Variants in UNC79 observed in about 807,000 individuals in gnomAD.
UNC79 encodes unc-79 subunit of NALCN channel complex.
Under a neutral mutation model 283.1 loss-of-function variants are expected in UNC79, and 37 were observed. The observed-to-expected ratio is 0.13, with a 90% confidence interval of 0.10 to 0.17. UNC79 has a LOEUF of 0.17. UNC79 is among the 10% of genes least tolerant of loss of function. The pLI is 1.00. For missense variants in UNC79, 2,272 were observed against 3,211.1 expected (o/e 0.71, Z 7.07); for synonymous variants, 1,107 against 1,200.2 (o/e 0.92, Z 1.61).
At chr14:93,356,612 T>C (rs559406266) in intron 1 of UNC79, among the ~76,000 whole-genome samples, 5 of 152,334 alleles carry the variant, frequency 3.3e-5, no homozygotes, top group African/African-American at 1.2e-4. Flanking sequence ...TGTTTGTGTA[T>C]TTTGTTCTAC....
downstream of UNC79, chr14:93,707,168 AT>A (rs1008462677): frequency 5.9e-5 from 22 of 374,344 alleles, no homozygotes; most frequent in East Asian, 8.0e-5. Flanking sequence ...ACTAACTTCT[AT>A]TTTTTTTAAG....
chr14:93,340,438 T>C (rs1279348398), intron 1 of UNC79, among the ~76,000 whole-genome samples: 1 of 96,042 alleles, frequency 1.0e-5, no homozygotes. Flanking sequence ...CAAAACGCTG[T>C]CTCAAAAAAA....
At chr14:93,614,677 G>T (rs58548419) in intron 27 of UNC79, among the ~76,000 whole-genome samples, 2,144 of 151,048 alleles carry the variant, frequency 0.014, 48 homozygotes, top group African/African-American at 0.049. Context: ...TTGGCTTCAG[G>T]TGGAGAGAGT....
chr14:93,401,451 C>T (rs753352895), intron 1 of UNC79, among the ~76,000 whole-genome samples: 5 of 152,122 alleles, frequency 3.3e-5, no homozygotes, highest in Middle Eastern at 3.2e-3. Flanking sequence ...AGAAACTGAA[C>T]AGAAATGCAA....
intron 22 of UNC79, among the ~76,000 whole-genome samples, chr14:93,589,670 G>A (rs1384886325): frequency 1.3e-5 from 2 of 152,126 alleles, no homozygotes; most frequent in African/African-American, 2.4e-5. Flanking sequence ...AAAAGAAAGA[G>A]GCTGCTAAGA....
intron 24 of UNC79, among the ~76,000 whole-genome samples, chr14:93,599,554 T>G (rs1420451381): frequency 2.0e-5 from 3 of 152,234 alleles, no homozygotes; most frequent in Non-Finnish European, 1.5e-5. Flanking sequence ...TCTTCTCTGT[T>G]GATCTTACCA....
chr14:93,511,792 A>G (rs2059839664), intron 7 of UNC79, among the ~76,000 whole-genome samples: 1 of 152,192 alleles, frequency 6.6e-6, no homozygotes, highest in Non-Finnish European at 1.5e-5. Flanking sequence ...ACAAATAAAC[A>G]AAAAACAGAA....
At chr14:93,576,051 T>C (rs1314464575) in intron 17 of UNC79, among the ~76,000 whole-genome samples, 1 of 152,266 alleles carries the variant, frequency 6.6e-6, no homozygotes, top group Non-Finnish European at 1.5e-5. Flanking sequence ...TCTTTCTTTC[T>C]TCTGTAACCT....
chr14:93,518,464 G>T (rs2060173912), intron 7 of UNC79, among the ~76,000 whole-genome samples: 1 of 148,116 alleles, frequency 6.8e-6, no homozygotes, highest in South Asian at 2.2e-4. Flanking sequence ...CCATCAGGAT[G>T]CTGGGGCCTA....
intron 1 of UNC79, among the ~76,000 whole-genome samples, chr14:93,433,299 T>C (rs2055947944): frequency 6.6e-6 from 1 of 152,226 alleles, no homozygotes; most frequent in African/African-American, 2.4e-5. Context: ...TTTAGATATC[T>C]GTATTTAGAA....
intron 43 of UNC79, 122 bp downstream of exon 46, chr14:93,686,783 GC>G: frequency 9.4e-7 from 1 of 1,059,940 alleles, no homozygotes; most frequent in Non-Finnish European, 1.4e-6. Context: ...TGTTGAATGA[GC>G]CCCTGTCTTG....
chr14:93,545,224 C>A (rs962471883), intron 14 of UNC79, among the ~76,000 whole-genome samples: 5 of 152,146 alleles, frequency 3.3e-5, no homozygotes, highest in Admixed American at 3.3e-4. Flanking sequence ...CATAAAATTT[C>A]TCTTTACAAT....
intron 1 of UNC79, among the ~76,000 whole-genome samples, chr14:93,353,323 C>T (rs2054016503): frequency 6.6e-6 from 1 of 152,158 alleles, no homozygotes; most frequent in African/African-American, 2.4e-5. Flanking sequence ...CCCACCTTGA[C>T]TTCCCAAAGC....
intron 40 of UNC79, among the ~76,000 whole-genome samples, chr14:93,671,225 A>G (rs2072814161): frequency 6.6e-6 from 1 of 152,254 alleles, no homozygotes; most frequent in African/African-American, 2.4e-5. Flanking sequence ...AAGTTTAAAA[A>G]TGCCAAACAA....
chr14:93,367,963 A>T (rs957497597), intron 1 of UNC79, among the ~76,000 whole-genome samples: 11 of 152,248 alleles, frequency 7.2e-5, no homozygotes, highest in Admixed American at 5.9e-4. Context: ...GGAAACAGGA[A>T]CACAGCATCC....
chr14:93,399,436 T>C (rs2055063247), intron 1 of UNC79, among the ~76,000 whole-genome samples: 1 of 152,200 alleles, frequency 6.6e-6, no homozygotes, highest in South Asian at 2.1e-4. Context: ...ACTGAAATGA[T>C]TGCTGGGCAC....
chr14:93,690,284 G>C lies in UNC79; in HGVS notation c.7253G>C (p.Gly2418Ala). 6.2e-7 allele frequency: 1 copy of C among 1,613,638 alleles called. No individual in the cohort carries two copies. Among genetic ancestry groups the C allele is most frequent in the Non-Finnish European group, 8.5e-7 (1 of 1,179,836 alleles). Residue 2418 changes from glycine to alanine, a missense_variant, in exon 45 of 49, where the codon GGA becomes GCA. By Grantham distance (60) the Gly-to-Ala change is moderately conservative (BLOSUM62 0). Around this residue, in one of 11 missense-constraint regions of UNC79, gnomAD observed 225 missense variants for 334.2 expected, o/e 0.67. Coordinates refer to ENST00000555664, the Ensembl canonical transcript of UNC79. This position sits in a 1 kb window ranked among gnomAD's most constrained non-coding sequence, Gnocchi z 4.3. ...GACCATCTTATTGTTATCCTGATTG[G>C]ATTTCCAGAGCAATCAAAGGTAAGT... is the stretch of plus-strand genomic sequence containing the variant.
chr14:93,383,770 G>A (rs890729931), intron 1 of UNC79, among the ~76,000 whole-genome samples: 6 of 152,068 alleles, frequency 3.9e-5, no homozygotes, highest in Admixed American at 1.3e-4. Flanking sequence ...ATTGTAACAC[G>A]CACAATTCCC....
chr14:93,621,176 A>G lies in UNC79; in HGVS notation c.4388-445A>G. 2 of 331,760 alleles carry G rather than the reference A, an allele frequency of 6.0e-6. No individual in the cohort carries two copies. Among genetic ancestry groups the G allele is most frequent in the South Asian group, 2.6e-5 (1 of 38,808 alleles). 20.6% of individuals were successfully genotyped at this position (331,760 alleles called of 1,614,324 possible). A position where few individuals can be genotyped will look rare whatever the true frequency, so the allele number is the denominator to read the frequency against. On this transcript the variant is annotated intron_variant, in intron 29 of 48. Transcript: ENST00000555664. The surrounding 1 kb of genome is among the most constrained non-coding windows in gnomAD (Gnocchi z 4.8). Reference sequence around the variant, plus strand: ...TTATATATATGTATGCACAAACAGTATATATATATACACATTTATATATAT... The same window carrying G: ...TTATATATATGTATGCACAAACAGTGTATATATATACACATTTATATATAT...
Sources: allele counts gnomAD v4.1 joint callset (sites outside exome capture counted in the v4.1 genomes callset), GRCh38; gene constraint gnomAD v4.1.1; regional missense constraint gnomAD v4.1.1; non-coding constraint Gnocchi (gnomAD v3.1); transcripts MANE v1.5; gene names NCBI Gene and HGNC (gene_info 2026-07-23, HGNC 2026-07-21).